Variants in SLC9B2 observed in about 807,000 individuals in gnomAD.
SLC9B2 encodes the protein solute carrier family 9 member B2.
Under a neutral mutation model 52.2 loss-of-function variants are expected in SLC9B2, and 39 were observed. The observed-to-expected ratio is 0.75, with a 90% CI of 0.58 to 0.98. The LOEUF (loss-of-function observed/expected upper bound fraction) is 0.98. Ranked by LOEUF, SLC9B2 falls within the 50% of genes least tolerant of loss-of-function variation. The pLI is 0.00. For missense variants in SLC9B2, 626 were observed against 637.5 expected (o/e 0.98, Z 0.19); for synonymous variants, 214 against 227.0 (o/e 0.94, Z 0.51).
chr4:103,058,867 G>A (rs1364023523), intron 3 of SLC9B2, among the ~76,000 whole-genome samples: 1 of 152,070 alleles, frequency 6.6e-6, no homozygotes, highest in Non-Finnish European at 1.5e-5. Flanking sequence ...TTCGAAACCA[G>A]CCTGAGCAAC....
At chr4:103,045,473 G>A (rs1456242692) in intron 7 of SLC9B2, among the ~76,000 whole-genome samples, 2 of 151,980 alleles carry the variant, frequency 1.3e-5, no homozygotes, top group Non-Finnish European at 2.9e-5. Context: ...TACTATGAAT[G>A]TGTAGAAAGT....
chr4:103,075,903 A>T (rs1331618505), intron 1 of SLC9B2, among the ~76,000 whole-genome samples: 1 of 152,328 alleles, frequency 6.6e-6, no homozygotes, highest in Non-Finnish European at 1.5e-5. Context: ...TTAAGGTTAT[A>T]TTCTTCAGTC....
chr4:103,057,295 TAC>T (rs1296309566), intron 4 of SLC9B2, among the ~76,000 whole-genome samples: 19 of 145,858 alleles, frequency 1.3e-4, no homozygotes, highest in Admixed American at 2.0e-4. Context: ...CACACATATA[TAC>T]ACACACACAC....
chr4:103,055,551 ACTT>A (rs1157535502), intron 4 of SLC9B2, among the ~76,000 whole-genome samples: 1 of 152,064 alleles, frequency 6.6e-6, no homozygotes, highest in Non-Finnish European at 1.5e-5. Context: ...AAATAATTCT[ACTT>A]CTTTTTATAT....
rs1314114640 is a variant in SLC9B2 at position 103,050,253 on chromosome 4, C to A, written c.572G>T (p.Gly191Val). Residue 191 changes from glycine to valine, a missense_variant, in exon 5 of 12, where the codon GGT (glycine) becomes GTT (valine). Transcript: ENST00000394785. ...LSIILVRAGL[G>V]LDSKALKKLK... ...TACATTTCATACCTTTGAATCCAGA[C>A]CAAGGCCAGCACGAACCAGAATGAT... The A allele has an allele frequency of 1.3e-6, 2 of 1,584,806 alleles. No homozygotes were observed. Among genetic ancestry groups the A allele is most frequent in the Admixed American group, 3.8e-5 (2 of 53,014 alleles).
rs80224597 is a variant in SLC9B2 at position 103,032,351 on chromosome 4, A to G, written c.1147-543T>C. 4.0e-3 allele frequency among the ~76,000 whole-genome samples: 608 copies of G among 152,300 alleles called. 5 individuals carry two copies. The highest frequency in any genetic ancestry group is 0.014 in the African/African-American group (593 of 41,550). On this transcript the variant is annotated intron_variant, in intron 9 of 11. Transcript: ENST00000394785. Reference sequence around the variant, plus strand: ...TGTACAAAAAATACTGTTTAAGGTTATCTCAAATCACGCACAAAAATAAAA... The same window carrying G: ...TGTACAAAAAATACTGTTTAAGGTTGTCTCAAATCACGCACAAAAATAAAA...
chr4:103,071,233 T>C (rs1291686986), intron 1 of SLC9B2, among the ~76,000 whole-genome samples: 1 of 152,008 alleles, frequency 6.6e-6, no homozygotes, highest in Non-Finnish European at 1.5e-5. Context: ...AGATGGATTC[T>C]CGCTCTGTCA....
intron 4 of SLC9B2, among the ~76,000 whole-genome samples, chr4:103,054,576 G>A (rs1484783158): frequency 2.0e-5 from 3 of 152,204 alleles, no homozygotes; most frequent in South Asian, 2.1e-4. Flanking sequence ...AACTCTGCCA[G>A]TATAATGTGA....
chr4:103,067,316 A>C (rs1746222741), intron 2 of SLC9B2, 145 bp downstream of exon 2: 2 of 644,940 alleles, frequency 3.1e-6, no homozygotes, highest in South Asian at 2.0e-5. Context: ...TTTTCTAGTT[A>C]CAGGTAGGGT....
At chr4:103,065,114 C>A (rs981526981) in intron 3 of SLC9B2, among the ~76,000 whole-genome samples, 6 of 151,078 alleles carry the variant, frequency 4.0e-5, no homozygotes, top group African/African-American at 9.8e-5. Context: ...ATGACCAATG[C>A]CTTGACATGT....
At chr4:103,026,797 C>T (rs1314383970) in intron 11 of SLC9B2, among the ~76,000 whole-genome samples, 1 of 152,082 alleles carries the variant, frequency 6.6e-6, no homozygotes, top group African/African-American at 2.4e-5. Context: ...TATAACAAAC[C>T]TGCACGTTGT....
chr4:103,029,251 G>A (rs1742487676), intron 10 of SLC9B2, among the ~76,000 whole-genome samples: 1 of 152,102 alleles, frequency 6.6e-6, no homozygotes, highest in Non-Finnish European at 1.5e-5. Flanking sequence ...ACTAAGTACT[G>A]TGTACACATA....
intron 1 of SLC9B2, among the ~76,000 whole-genome samples, chr4:103,074,195 C>G (rs1053251123): frequency 6.6e-6 from 1 of 152,274 alleles, no homozygotes; most frequent in South Asian, 2.1e-4. Flanking sequence ...ATCATTCACC[C>G]ATGAAGAAAA....
At chr4:103,046,675 C>A (rs1487129722) in intron 7 of SLC9B2, among the ~76,000 whole-genome samples, 1 of 147,574 alleles carries the variant, frequency 6.8e-6, no homozygotes, top group African/African-American at 2.5e-5. Flanking sequence ...CTCCACACAT[C>A]TTTTGTGTGA....
At chr4:103,050,708 G>A (rs905557521) in intron 4 of SLC9B2, among the ~76,000 whole-genome samples, 7 of 152,192 alleles carry the variant, frequency 4.6e-5, no homozygotes, top group African/African-American at 1.2e-4. Flanking sequence ...AGCCCTTTGC[G>A]TGCAAACAGC....
In SLC9B2 at chr4:103,064,762, AAT is replaced by A. The variant is rs945370664; in HGVS notation, c.271+1563_271+1564del. Among the ~76,000 whole-genome samples, 90 of 152,308 alleles carry A rather than the reference AAT, an allele frequency of 5.9e-4. 1 individual carries two copies. The highest frequency in any genetic ancestry group is 2.0e-3 in the African/African-American group (82 of 41,574). ...ATATTGTACCCCACAAATATGTACA[AAT>A]ATGTGTCAAAAATAAAAATAAATAA... On this transcript the variant is annotated intron_variant, in intron 3 of 11. Coordinates refer to ENST00000394785, the MANE Select transcript of SLC9B2 (RefSeq NM_178833.7).
chr4:103,058,556 C>T (rs777905714), intron 3 of SLC9B2, among the ~76,000 whole-genome samples: 4 of 152,224 alleles, frequency 2.6e-5, no homozygotes, highest in Admixed American at 1.3e-4. Context: ...TACCACCATG[C>T]CTGGCTAATT....
downstream of SLC9B2, among the ~76,000 whole-genome samples, chr4:103,021,182 G>C (rs1387439663): frequency 6.6e-6 from 1 of 152,168 alleles, no homozygotes; most frequent in Non-Finnish European, 1.5e-5. Flanking sequence ...TTGCCTCCAA[G>C]GCACTACTCT....
chr4:103,024,478 G>A lies in SLC9B2; in HGVS notation c.*1892C>T, dbSNP rs896898741. On this transcript the variant is annotated 3_prime_UTR_variant, in exon 12 of 12. Coordinates refer to ENST00000394785, the MANE Select transcript of SLC9B2 (RefSeq NM_178833.7). ...TAAAATTGAAGGCTATTTAGAAGAA[G>A]TGAATATTAAACTAGTTTTGAATAG... Among the ~76,000 whole-genome samples, 3 of 152,212 alleles carry A rather than the reference G, an allele frequency of 2.0e-5. No homozygotes were observed. Among genetic ancestry groups the A allele is most frequent in the African/African-American group, 4.8e-5 (2 of 41,462 alleles).
Sources: allele counts gnomAD v4.1 joint callset (sites outside exome capture counted in the v4.1 genomes callset), GRCh38; gene constraint gnomAD v4.1.1; transcripts MANE v1.5; gene names NCBI Gene and HGNC (gene_info 2026-07-23, HGNC 2026-07-21).